Variants in CAST observed in about 807,000 individuals in gnomAD.
CAST encodes calpastatin, also known as MIR583 host.
CAST carries 76 observed loss-of-function variants against 119.6 expected under a neutral mutation model. That is an observed-to-expected ratio of 0.64 (90% CI 0.53 to 0.77). The LOEUF (loss-of-function observed/expected upper bound fraction) is 0.77, where lower values mean the gene tolerates loss of function less well. Ranked by LOEUF, CAST falls within the 30% of genes least tolerant of loss-of-function variation. The pLI is 0.00. For synonymous variants in CAST, 319 were observed against 331.6 expected, an observed-to-expected ratio of 0.96 and a Z score of 0.41; for missense variants, 953 against 946.5, an observed-to-expected ratio of 1.01 and a Z score of -0.09.
At chr5:95,993,069 A>G in the CAST span, among the ~76,000 whole-genome samples, 1 of 152,184 alleles carries the variant, frequency 6.6e-6, no homozygotes, top group South Asian at 2.1e-4. Flanking sequence ...CAGCATAAAG[A>G]TAGAGATATA....
At chr5:96,223,476 A>G in the CAST span, among the ~76,000 whole-genome samples, 3 of 152,194 alleles carry the variant, frequency 2.0e-5, no homozygotes, top group Non-Finnish European at 4.4e-5. Context: ...ATTTCATGTC[A>G]TTATGAGCAA....
At chr5:96,534,925 T>TAAAG (rs959646708) in intron 1 of CAST, among the ~76,000 whole-genome samples, 1 of 91,494 alleles carries the variant, frequency 1.1e-5, no homozygotes, top group Non-Finnish European at 2.3e-5. Context: ...AGAAAAGGAA[T>TAAAG]AAAGAAAGAA....
chr5:96,254,392 C>G, the CAST span, among the ~76,000 whole-genome samples: 1 of 152,116 alleles, frequency 6.6e-6, no homozygotes, highest in Non-Finnish European at 1.5e-5. Flanking sequence ...AAGTAATTCA[C>G]AAAGAGCAGG....
At chr5:96,747,146 C>T (rs1443923862) in intron 17 of CAST, among the ~76,000 whole-genome samples, 199 bp from the exon 18 acceptor site, 1 of 152,090 alleles carries the variant, frequency 6.6e-6, no homozygotes, top group East Asian at 1.9e-4. Flanking sequence ...GTGCATTCTG[C>T]TTGGTAACAT....
At chr5:96,069,207 G>GTA in the CAST span, among the ~76,000 whole-genome samples, 4 of 151,588 alleles carry the variant, frequency 2.6e-5, no homozygotes, top group African/African-American at 9.7e-5. Flanking sequence ...AGACAGGTGT[G>GTA]TATATATACA....
At chr5:96,378,291 C>G in the CAST span, among the ~76,000 whole-genome samples, 3 of 152,056 alleles carry the variant, frequency 2.0e-5, no homozygotes, top group African/African-American at 7.2e-5. Context: ...ATATTGTATA[C>G]TTTACATTTT....
chr5:96,102,531 A>G, the CAST span, among the ~76,000 whole-genome samples: 4 of 152,298 alleles, frequency 2.6e-5, no homozygotes, highest in Admixed American at 1.3e-4. Flanking sequence ...GCAAATAGGG[A>G]TAGAAATTCT....
At chr5:95,982,196 C>T in the CAST span, among the ~76,000 whole-genome samples, 1 of 151,506 alleles carries the variant, frequency 6.6e-6, no homozygotes, top group African/African-American at 2.4e-5. Context: ...ATATCAAAAC[C>T]AAGAAGTTAA....
At chr5:96,200,503 G>A in the CAST span, among the ~76,000 whole-genome samples, 9 of 152,072 alleles carry the variant, frequency 5.9e-5, no homozygotes, top group Non-Finnish European at 1.2e-4. Flanking sequence ...TGCCTTCCCA[G>A]AACCTAGAAC....
the CAST span, chr5:96,050,099 G>T: frequency 1.3e-5 from 2 of 152,180 alleles, no homozygotes; most frequent in East Asian, 3.9e-4. Flanking sequence ...AGTAGATTTA[G>T]TAACGATGGG....
chr5:96,454,047 C>T, the CAST span, among the ~76,000 whole-genome samples: 1 of 152,110 alleles, frequency 6.6e-6, no homozygotes, highest in Non-Finnish European at 1.5e-5. Flanking sequence ...AACTTATATC[C>T]GTAGATAAAA....
chr5:96,135,554 G>C, the CAST span, among the ~76,000 whole-genome samples: 1 of 152,102 alleles, frequency 6.6e-6, no homozygotes, highest in South Asian at 2.1e-4. Context: ...CCAAACATTA[G>C]CTGGAGATTT....
the CAST span, among the ~76,000 whole-genome samples, chr5:96,105,719 G>A: frequency 4.6e-5 from 7 of 152,154 alleles, no homozygotes; most frequent in African/African-American, 9.7e-5. Flanking sequence ...GTCTCTGCCC[G>A]ACTTTGGTAT....
At chr5:96,427,231 A>G in the CAST span, among the ~76,000 whole-genome samples, 3 of 152,240 alleles carry the variant, frequency 2.0e-5, no homozygotes, top group Non-Finnish European at 4.4e-5. Flanking sequence ...GAAATGGGAT[A>G]TAAGAGGAGG....
At chr5:96,273,717 A>G in the CAST span, among the ~76,000 whole-genome samples, 1 of 152,158 alleles carries the variant, frequency 6.6e-6, no homozygotes, top group Admixed American at 6.5e-5. Context: ...ATTCAGGAAC[A>G]GTTTTCTCAA....
chr5:96,650,249 T>C (rs1458794817), intron 1 of CAST, among the ~76,000 whole-genome samples: 1 of 152,180 alleles, frequency 6.6e-6, no homozygotes, highest in Non-Finnish European at 1.5e-5. Context: ...ACTTCCAGTT[T>C]GAAGCATAGA....
the CAST span, among the ~76,000 whole-genome samples, chr5:96,139,122 A>G: frequency 6.6e-6 from 1 of 151,952 alleles, no homozygotes; most frequent in Non-Finnish European, 1.5e-5. Context: ...GCTGTATGTC[A>G]TCTATTTTGC....
chr5:96,466,123 T>A, the CAST span, among the ~76,000 whole-genome samples: 1 of 152,270 alleles, frequency 6.6e-6, no homozygotes, highest in African/African-American at 2.4e-5. Flanking sequence ...TTCTAACGCA[T>A]GTAACAGTGA....
chr5:96,280,962 A>C, the CAST span, among the ~76,000 whole-genome samples: 16 of 152,174 alleles, frequency 1.1e-4, no homozygotes, highest in Non-Finnish European at 2.2e-4. Context: ...AAGCCTGTGG[A>C]GCTCCATGTG....
Sources: allele counts gnomAD v4.1 joint callset (sites outside exome capture counted in the v4.1 genomes callset), GRCh38; gene constraint gnomAD v4.1.1; transcripts MANE v1.5; gene names NCBI Gene and HGNC (gene_info 2026-07-23, HGNC 2026-07-21).